Variants in HCRTR2 observed in about 807,000 individuals in gnomAD.
HCRTR2 encodes orexin receptor type 2.
A neutral mutation model predicts 49.0 loss-of-function variants in HCRTR2; 22 were observed. That is an observed-to-expected ratio of 0.45 (90% CI 0.32 to 0.64). The LOEUF (loss-of-function observed/expected upper bound fraction) is 0.64. Among genes scored for constraint, HCRTR2 ranks in the 30% least tolerant of loss-of-function variants. The probability of loss-of-function intolerance (pLI) is 0.04; values close to 1 mark genes in which losing one functional copy is unlikely to be tolerated. For synonymous variants in HCRTR2, 236 were observed against 205.3 expected, an observed-to-expected ratio of 1.15 and a Z score of -1.28; for missense variants, 491 against 559.4, an observed-to-expected ratio of 0.88 and a Z score of 1.23.
intron 5 of HCRTR2, among the ~76,000 whole-genome samples, chr6:55,278,939 G>A (rs1043451832): frequency 3.3e-5 from 5 of 151,026 alleles, no homozygotes; most frequent in Non-Finnish European, 7.4e-5. Flanking sequence ...CCTCTCTCTG[G>A]GTTACGTATT....
intron 1 of HCRTR2, among the ~76,000 whole-genome samples, chr6:55,115,433 A>C (rs4428489): frequency 1 from 151,057 of 151,666 alleles, 75,231 homozygotes; most frequent in Middle Eastern, 1. Context: ...TGCTTAGTCA[A>C]CTGTGGCACA....
intron 1 of HCRTR2, among the ~76,000 whole-genome samples, chr6:55,109,058 T>C (rs1178624019): frequency 6.6e-6 from 1 of 152,060 alleles, no homozygotes; most frequent in East Asian, 1.9e-4. Flanking sequence ...GACCTGAAGA[T>C]TGATCATATC....
chr6:55,236,887 C>A (rs541334292), intron 1 of HCRTR2, among the ~76,000 whole-genome samples: 57 of 152,020 alleles, frequency 3.7e-4, no homozygotes, highest in Non-Finnish European at 6.8e-4. Flanking sequence ...TTGCCAATAT[C>A]TTTTTAAAGA....
intron 1 of HCRTR2, among the ~76,000 whole-genome samples, chr6:55,163,279 A>T (rs1764832432): frequency 6.6e-6 from 1 of 151,972 alleles, no homozygotes; most frequent in Non-Finnish European, 1.5e-5. Context: ...AAACTACCTT[A>T]AATTTCTTAT....
intron 1 of HCRTR2, among the ~76,000 whole-genome samples, chr6:55,176,854 G>T (rs922407733): frequency 1.3e-5 from 2 of 152,078 alleles, no homozygotes; most frequent in Non-Finnish European, 2.9e-5. Flanking sequence ...GGGATTAATG[G>T]CACTGTCATT....
chr6:55,119,041 G>T (rs1450763423), intron 1 of HCRTR2, among the ~76,000 whole-genome samples: 1 of 151,856 alleles, frequency 6.6e-6, no homozygotes, highest in East Asian at 1.9e-4. Context: ...TGTGGTGTTT[G>T]GTTTTCTATT....
At chr6:55,213,356 G>A (rs1255221746) in intron 1 of HCRTR2, among the ~76,000 whole-genome samples, 1 of 152,094 alleles carries the variant, frequency 6.6e-6, no homozygotes, top group Non-Finnish European at 1.5e-5. Flanking sequence ...TAAATTACCT[G>A]TCATATGGGT....
At chr6:55,241,255 C>A (rs753308325) in intron 1 of HCRTR2, among the ~76,000 whole-genome samples, 1 of 151,580 alleles carries the variant, frequency 6.6e-6, no homozygotes, top group Non-Finnish European at 1.5e-5. Context: ...AGTTTACTGA[C>A]ATTTTATCCT....
intron 1 of HCRTR2, among the ~76,000 whole-genome samples, chr6:55,169,454 G>C (rs1581804899): frequency 6.6e-6 from 1 of 151,676 alleles, no homozygotes; most frequent in Non-Finnish European, 1.5e-5. Context: ...TAGGGCATGA[G>C]GTTATTTCAT....
intron 4 of HCRTR2, among the ~76,000 whole-genome samples, chr6:55,269,052 T>C (rs1182789005): frequency 2.2e-5 from 3 of 137,260 alleles, no homozygotes; most frequent in South Asian, 4.5e-4. Flanking sequence ...ATCGTGCCAC[T>C]GCACTCCAGC....
chr6:55,139,659 C>T (rs1764480183), intron 1 of HCRTR2, among the ~76,000 whole-genome samples: 2 of 152,022 alleles, frequency 1.3e-5, no homozygotes, highest in African/African-American at 2.4e-5. Flanking sequence ...ATAAAAGCAC[C>T]GGGTAAACCA....
In HCRTR2 at chr6:55,108,521, AAGGTTAAATCCTTCT is replaced by A. The variant is rs376499473; in HGVS notation, c.-378+1991_-378+2005del. ...TAGATAAGGTTAAATTTTTCTAGGT[AAGGTTAAATCCTTCT>A]AGGTTAAATCCTTCATGAGAGAGAA... On this transcript the variant is annotated intron_variant, in intron 1 of 7. Transcript: ENST00000615358. Among the ~76,000 whole-genome samples the A allele has an allele frequency of 2.6e-4, 39 of 151,864 alleles. 1 individual carries two copies. The East Asian group carries it at 2.8e-3, about 11-fold the overall frequency.
At position 55,225,801 on chromosome 6, in the gene HCRTR2, T is replaced by C. The variant is rs543386579; in HGVS notation, c.224-22838T>C. On this transcript the variant is annotated intron_variant, in intron 1 of 6. Coordinates refer to ENST00000370862, the MANE Select transcript of HCRTR2 (RefSeq NM_001384272.1). ...TCTTAATCAACAGAAACTAAAAGTA[T>C]AATTTCCATCAACTCCTTTTAAGTA... 1.5e-3 allele frequency among the ~76,000 whole-genome samples: 230 copies of C among 152,368 alleles called. 5 individuals carry two copies. Among genetic ancestry groups the C allele is most frequent in the South Asian group, 2.1e-3 (10 of 4,830 alleles).
chr6:55,163,379 T>C (rs1226381756), intron 1 of HCRTR2, among the ~76,000 whole-genome samples: 1 of 152,096 alleles, frequency 6.6e-6, no homozygotes, highest in Admixed American at 6.5e-5. Flanking sequence ...CAAATTATGC[T>C]ACAAGGCTAC....
intron 1 of HCRTR2, among the ~76,000 whole-genome samples, chr6:55,155,719 A>G (rs961809484): frequency 6.6e-6 from 1 of 152,056 alleles, no homozygotes; most frequent in African/African-American, 2.4e-5. Flanking sequence ...AAGTTTGTAA[A>G]GAAGTTAATT....
At chr6:55,277,932 G>A (rs1189152253) in intron 5 of HCRTR2, among the ~76,000 whole-genome samples, 1 of 152,156 alleles carries the variant, frequency 6.6e-6, no homozygotes, top group African/African-American at 2.4e-5. Flanking sequence ...GTTCTTTCTT[G>A]ATGAGAACAA....
chr6:55,248,673 G>A lies in HCRTR2; in HGVS notation c.258G>A (p.Arg86=). The stretch of plus-strand genomic sequence containing the variant: ...CAGTGTGGAAGAACCACCACATGAG[G>A]ACGGTAACCAACTACTTCATAGTCA... ...CVAVWKNHHM[R]TVTNYFIVNL... Residue 86 remains arginine (R), a synonymous_variant, in exon 2 of 7, where the codon AGG becomes AGA. Transcript: ENST00000370862. The A allele has an allele frequency of 8.1e-6, 13 of 1,613,422 alleles. No homozygotes were observed. The highest frequency in any genetic ancestry group is 1.1e-5 in the Non-Finnish European group (13 of 1,179,522).
intron 1 of HCRTR2, among the ~76,000 whole-genome samples, chr6:55,137,087 C>T (rs1205487497): frequency 6.6e-6 from 1 of 152,148 alleles, no homozygotes; most frequent in Non-Finnish European, 1.5e-5. Context: ...CATTAGGAGC[C>T]TTCTTTCAAG....
intron 1 of HCRTR2, among the ~76,000 whole-genome samples, chr6:55,115,603 T>G (rs1279370986): frequency 1.3e-5 from 2 of 151,680 alleles, no homozygotes; most frequent in Non-Finnish European, 3.0e-5. Flanking sequence ...TGCTACCATT[T>G]TATTCCAGTG....
Sources: allele counts gnomAD v4.1 joint callset (sites outside exome capture counted in the v4.1 genomes callset), GRCh38; gene constraint gnomAD v4.1.1; transcripts MANE v1.5; gene names NCBI Gene and HGNC (gene_info 2026-07-23, HGNC 2026-07-21).